Variants in PHKB observed in about 807,000 individuals in gnomAD.
PHKB encodes phosphorylase kinase regulatory subunit beta.
A neutral mutation model predicts 152.1 loss-of-function variants in PHKB; 122 were observed. That is an observed-to-expected ratio of 0.80 (90% CI 0.69 to 0.93). The LOEUF (loss-of-function observed/expected upper bound fraction) is 0.93. Among genes scored for constraint, PHKB ranks in the 40% least tolerant of loss-of-function variants. The probability of loss-of-function intolerance (pLI) is 0.00; values close to 1 mark genes in which losing one functional copy is unlikely to be tolerated. For synonymous variants in PHKB, 436 were observed against 464.9 expected (o/e 0.94, Z 0.80); for missense variants, 1,304 against 1,328.4 (o/e 0.98, Z 0.29).
intron 6 of PHKB, among the ~76,000 whole-genome samples, chr16:47,531,235 G>A (rs966194714): frequency 6.6e-6 from 1 of 152,232 alleles, no homozygotes; most frequent in Non-Finnish European, 1.5e-5. Context: ...TCAATAAATG[G>A]ATTTTCATTA....
At chr16:47,550,990 T>C (rs538227319) in intron 7 of PHKB, among the ~76,000 whole-genome samples, 70 of 152,332 alleles carry the variant, frequency 4.6e-4, no homozygotes, top group Non-Finnish European at 7.9e-4. Context: ...CTAGATTTTC[T>C]AGTTTATTTG....
At chr16:47,623,534 A>T in intron 14 of PHKB, among the ~76,000 whole-genome samples, 2 of 131,588 alleles carry the variant, frequency 1.5e-5, no homozygotes, top group South Asian at 2.5e-4. Flanking sequence ...TTTTTTAATT[A>T]GCTCCATATA....
chr16:47,514,603 C>G (rs1477887529), intron 5 of PHKB, among the ~76,000 whole-genome samples: 1 of 152,226 alleles, frequency 6.6e-6, no homozygotes, highest in Non-Finnish European at 1.5e-5. Context: ...CCCACTCAGA[C>G]AGCCAACTCA....
chr16:47,600,552 A>T (rs1373423031), intron 13 of PHKB, among the ~76,000 whole-genome samples: 1 of 152,224 alleles, frequency 6.6e-6, no homozygotes, highest in African/African-American at 2.4e-5. Context: ...TTAAAAGTAC[A>T]GTCATTCATT....
At chr16:47,657,267 C>T (rs1312361766) in intron 20 of PHKB, among the ~76,000 whole-genome samples, 2 of 152,148 alleles carry the variant, frequency 1.3e-5, no homozygotes, top group African/African-American at 2.4e-5. Context: ...TAAATATTGG[C>T]TCATTGATTC....
intron 8 of PHKB, among the ~76,000 whole-genome samples, chr16:47,582,055 G>T (rs1276176733): frequency 1.3e-5 from 2 of 152,222 alleles, no homozygotes; most frequent in African/African-American, 4.8e-5. Flanking sequence ...AAGCTTTCTA[G>T]AGCATATATC....
chr16:47,538,067 A>G (rs1423827317), intron 6 of PHKB, among the ~76,000 whole-genome samples: 1 of 151,508 alleles, frequency 6.6e-6, no homozygotes, highest in Non-Finnish European at 1.5e-5. Flanking sequence ...TAATTTTTTA[A>G]TTTTTTTTGT....
chr16:47,695,973 G>A (rs115791759), intron 28 of PHKB, among the ~76,000 whole-genome samples: 3 of 152,312 alleles, frequency 2.0e-5, no homozygotes, highest in Non-Finnish European at 4.4e-5. Flanking sequence ...TCAGAAAGGA[G>A]CTGCCACAGA....
intron 3 of PHKB, among the ~76,000 whole-genome samples, chr16:47,502,458 C>T (rs1283761073): frequency 6.6e-6 from 1 of 152,146 alleles, no homozygotes; most frequent in Non-Finnish European, 1.5e-5. Context: ...TGCCAAAATA[C>T]ATCATGTATC....
chr16:47,652,713 G>A (rs1406293936), intron 20 of PHKB, among the ~76,000 whole-genome samples: 2 of 152,018 alleles, frequency 1.3e-5, no homozygotes, highest in Non-Finnish European at 1.5e-5. Context: ...AGAGTACACA[G>A]CTCACTGCTC....
At chr16:47,610,260 C>G (rs1160448157) in intron 13 of PHKB, among the ~76,000 whole-genome samples, 2 of 149,976 alleles carry the variant, frequency 1.3e-5, no homozygotes, top group African/African-American at 2.5e-5. Context: ...CCGCCCACCT[C>G]AGCCTCCCAA....
intron 20 of PHKB, among the ~76,000 whole-genome samples, chr16:47,656,301 G>A (rs1393707812): frequency 6.6e-6 from 1 of 152,202 alleles, no homozygotes; most frequent in South Asian, 2.1e-4. Flanking sequence ...ACAGGCGTGA[G>A]CCACCGCGCC....
intron 10 of PHKB, among the ~76,000 whole-genome samples, chr16:47,591,667 A>G (rs1358312110): frequency 2.6e-5 from 4 of 152,050 alleles, no homozygotes; most frequent in African/African-American, 4.8e-5. Flanking sequence ...AGCTATAGCT[A>G]TTAACCACAG....
At chr16:47,563,424 T>C (rs954388270) in intron 7 of PHKB, among the ~76,000 whole-genome samples, 8 of 152,090 alleles carry the variant, frequency 5.3e-5, no homozygotes, top group Non-Finnish European at 7.3e-5. Flanking sequence ...AATCTCCTTG[T>C]GCATCTCCAT....
intron 6 of PHKB, among the ~76,000 whole-genome samples, chr16:47,543,331 T>A (rs1971096926): frequency 6.6e-6 from 1 of 152,206 alleles, no homozygotes; most frequent in Admixed American, 6.5e-5. Flanking sequence ...TGAACCAGCC[T>A]TGCATCCCAG....
rs377612083 is a variant in PHKB at position 47,594,188 on chromosome 16, C to G, written c.1178C>G (p.Thr393Ser). 6.4e-7 allele frequency: 1 copy of G among 1,570,394 alleles called. No individual in the cohort carries two copies. The highest frequency in any genetic ancestry group is 8.8e-7 in the Non-Finnish European group (1 of 1,140,668). Residue 393 changes from threonine (T) to serine (S), a missense_variant, in exon 12 of 31, where the codon ACT becomes AGT. Thr to Ser is a moderately conservative substitution (Grantham distance 58). Transcript: ENST00000323584. ...KQVQEYQDLLTPVLHHTTEGY... is the reference protein window; with the variant it reads ...KQVQEYQDLLSPVLHHTTEGY... ...GTACAGGAATATCAGGATCTTTTGA[C>G]TCCAGTACTTCATCATACCACAGAA...
At chr16:47,611,261 C>T (rs1365719173) in intron 14 of PHKB, among the ~76,000 whole-genome samples, 1 of 152,190 alleles carries the variant, frequency 6.6e-6, no homozygotes, top group African/African-American at 2.4e-5. Flanking sequence ...TGCTTGATGT[C>T]TCTCCTGTGC....
chr16:47,639,157 C>G (rs1299483413), intron 14 of PHKB, among the ~76,000 whole-genome samples: 1 of 151,976 alleles, frequency 6.6e-6, no homozygotes, highest in African/African-American at 2.4e-5. Flanking sequence ...ACCTGTAGTC[C>G]CAGCTACTTG....
chr16:47,497,400 C>T lies in PHKB; in HGVS notation c.78C>T (p.Gly26=). The change falls in exon 2 of 31, where the codon GGC becomes GGT. Residue 26 remains glycine, a splice_region_variant and synonymous_variant. Transcript: ENST00000323584. ...LERRARTKRS[G]SVYEPLKSIN... Reference sequence around the variant, plus strand: ...ATGGGTTTTTATTTTTTCTTTTAGGCTCAGTTTATGAACCTCTTAAAAGCA... The same window carrying T: ...ATGGGTTTTTATTTTTTCTTTTAGGTTCAGTTTATGAACCTCTTAAAAGCA... 6.3e-7 allele frequency: 1 copy of T among 1,582,642 alleles called. No individual in the cohort carries two copies. Among genetic ancestry groups the T allele is most frequent in the Non-Finnish European group, 8.7e-7 (1 of 1,155,612 alleles).
Sources: gnomAD v4.1 joint callset for allele counts (sites outside exome capture counted in the v4.1 genomes callset) on GRCh38, gnomAD v4.1.1 for gene constraint, MANE v1.5 for transcripts, NCBI Gene and HGNC (gene_info 2026-07-23, HGNC 2026-07-21) for gene names.